ESRRG: variants seen among roughly 807,000 people sequenced by gnomAD.
ESRRG encodes the protein estrogen-related receptor gamma.
ESRRG carries 13 observed loss-of-function variants against 44.0 expected under a neutral mutation model. That is an observed-to-expected ratio of 0.30 (90% CI 0.19 to 0.47). The LOEUF is 0.47. Among genes scored for constraint, ESRRG ranks in the 20% least tolerant of loss-of-function variants. The probability of loss-of-function intolerance (pLI) is 1.00; values close to 1 mark genes in which losing one functional copy is unlikely to be tolerated. For synonymous variants in ESRRG, 215 were observed against 214.6 expected (o/e 1.00, Z -0.02); for missense variants, 395 against 580.6 (o/e 0.68, Z 3.29).
intron 1 of ESRRG, among the ~76,000 whole-genome samples, chr1:216,684,775 A>T (rs1371086268): frequency 6.6e-6 from 1 of 152,220 alleles, no homozygotes; most frequent in Non-Finnish European, 1.5e-5. Context: ...ATTAGCTATT[A>T]TACAGATTGC....
chr1:216,729,054 G>C (rs2088163381), intron 2 of ESRRG, among the ~76,000 whole-genome samples: 1 of 152,138 alleles, frequency 6.6e-6, no homozygotes, highest in South Asian at 2.1e-4. Context: ...CCAATTATGA[G>C]GGATGAGGCT....
intron 2 of ESRRG, among the ~76,000 whole-genome samples, chr1:216,892,227 A>G (rs1486324460): frequency 6.6e-6 from 1 of 152,230 alleles, no homozygotes; most frequent in African/African-American, 2.4e-5. Context: ...CATTCAGATA[A>G]TTAGAACATA....
chr1:216,750,855 AAAG>A (rs1183973177), intron 2 of ESRRG, among the ~76,000 whole-genome samples: 1 of 152,124 alleles, frequency 6.6e-6, no homozygotes, highest in African/African-American at 2.4e-5. Flanking sequence ...TGCTTTCAGT[AAAG>A]AAGAAAAGGC....
chr1:216,816,920 A>G (rs1351458797), intron 2 of ESRRG, among the ~76,000 whole-genome samples: 1 of 152,214 alleles, frequency 6.6e-6, no homozygotes, highest in Non-Finnish European at 1.5e-5. Context: ...TAGAGAAAAC[A>G]TTCCTTAAAC....
chr1:216,675,120 G>T (rs2075862183), intron 2 of ESRRG, among the ~76,000 whole-genome samples: 1 of 152,136 alleles, frequency 6.6e-6, no homozygotes, highest in South Asian at 2.1e-4. Flanking sequence ...CAGCACTTTG[G>T]GAGGCTGAGG....
At chr1:216,666,739 T>G (rs369212889) in intron 2 of ESRRG, among the ~76,000 whole-genome samples, 1 of 152,206 alleles carries the variant, frequency 6.6e-6, no homozygotes, top group African/African-American at 2.4e-5. Flanking sequence ...GAAAGTCCAC[T>G]CACAAATTTA....
intron 1 of ESRRG, among the ~76,000 whole-genome samples, chr1:217,024,199 A>G (rs2080822060): frequency 6.6e-6 from 1 of 152,194 alleles, no homozygotes; most frequent in African/African-American, 2.4e-5. Context: ...TCTACTAAAA[A>G]TACAAAAGAT....
intron 1 of ESRRG, among the ~76,000 whole-genome samples, chr1:217,064,078 A>G (rs1159833810): frequency 2.0e-5 from 3 of 151,984 alleles, no homozygotes; most frequent in Non-Finnish European, 4.4e-5. Context: ...TATATTTGTA[A>G]AATACACAAA....
At chr1:217,079,027 T>G (rs1034148671) in intron 1 of ESRRG, among the ~76,000 whole-genome samples, 2 of 152,192 alleles carry the variant, frequency 1.3e-5, no homozygotes, top group Non-Finnish European at 2.9e-5. Flanking sequence ...AATATTCCAC[T>G]GTTTAGCAGT....
intron 2 of ESRRG, among the ~76,000 whole-genome samples, chr1:216,888,098 T>C (rs1374587740): frequency 2.6e-5 from 4 of 152,290 alleles, no homozygotes; most frequent in African/African-American, 9.6e-5. Context: ...ACTGAGGTCC[T>C]CTCATCAAAT....
In ESRRG at chr1:216,519,181, G is replaced by T; in HGVS notation, c.1103C>A (p.Thr368Asn). ...ATTAGCAAGAGCTATAGCTTTGAGG[G>T]TGACAAATTCTTCTTTTTCCAGCTT... ...SMKLEKEEFV[T>N]LKAIALANSD... Residue 368 changes from threonine (T) to asparagine (N), a missense_variant, in exon 6 of 7, where the codon ACC (threonine) becomes AAC (asparagine). Physicochemically the swap from Thr to Asn is moderately conservative, Grantham distance 65. This residue lies in a region of ESRRG where 167 missense variants were observed against 251.8 expected (regional missense o/e 0.66). Transcript: ENST00000408911. The T allele has an allele frequency of 6.2e-7, 1 of 1,613,684 alleles. No individual in the cohort carries two copies. Among genetic ancestry groups the T allele is most frequent in the Non-Finnish European group, 8.5e-7 (1 of 1,179,758 alleles).
At chr1:216,920,136 T>C (rs2061646011) in intron 2 of ESRRG, among the ~76,000 whole-genome samples, 1 of 152,194 alleles carries the variant, frequency 6.6e-6, no homozygotes, top group Non-Finnish European at 1.5e-5. Flanking sequence ...CAAAGTTATT[T>C]AGTGAAGGAA....
intron 5 of ESRRG, among the ~76,000 whole-genome samples, chr1:216,552,037 T>A (rs1444240294): frequency 6.6e-6 from 1 of 152,136 alleles, no homozygotes; most frequent in East Asian, 1.9e-4. Context: ...GAAACAGATT[T>A]AATCTGATAT....
chr1:216,705,680 G>A (rs1043374984), intron 1 of ESRRG, among the ~76,000 whole-genome samples: 33 of 152,134 alleles, frequency 2.2e-4, no homozygotes, highest in African/African-American at 8.0e-4. Context: ...AAAGCACCCA[G>A]GACCAAGGGA....
intron 2 of ESRRG, among the ~76,000 whole-genome samples, chr1:216,756,640 T>G (rs1357858644): frequency 6.6e-6 from 1 of 151,964 alleles, no homozygotes; most frequent in Non-Finnish European, 1.5e-5. Flanking sequence ...AGGGGAGCTA[T>G]GAATAAGATT....
intron 1 of ESRRG, among the ~76,000 whole-genome samples, chr1:217,001,208 G>A (rs1319635074): frequency 1.2e-4 from 18 of 152,180 alleles, no homozygotes; most frequent in African/African-American, 3.6e-4. Context: ...TCTTTTCTTC[G>A]GTTCTTTTTT....
chr1:216,895,190 A>C (rs184665751), intron 2 of ESRRG, among the ~76,000 whole-genome samples: 1 of 152,330 alleles, frequency 6.6e-6, no homozygotes, highest in Admixed American at 6.5e-5. Flanking sequence ...TAATAAGTGC[A>C]CTGTGAATGA....
chr1:217,004,464 C>T (rs2077463708), intron 1 of ESRRG, among the ~76,000 whole-genome samples: 1 of 152,192 alleles, frequency 6.6e-6, no homozygotes, highest in African/African-American at 2.4e-5. Flanking sequence ...CCTTGCTTCT[C>T]CTTTGCCTTC....
chr1:217,025,503 T>C (rs1044181492), intron 1 of ESRRG, among the ~76,000 whole-genome samples: 5 of 152,234 alleles, frequency 3.3e-5, no homozygotes, highest in African/African-American at 9.6e-5. Context: ...GAAATTTAAC[T>C]CTTTTTCAAA....
Sources: allele counts gnomAD v4.1 joint callset (sites outside exome capture counted in the v4.1 genomes callset), GRCh38; gene constraint gnomAD v4.1.1; regional missense constraint gnomAD v4.1.1; transcripts MANE v1.5; gene names NCBI Gene and HGNC (gene_info 2026-07-23, HGNC 2026-07-21).